Variants in C12orf54 observed in about 807,000 individuals in gnomAD.
C12orf54 encodes the protein chromosome 12 open reading frame 54.
C12orf54 carries 24 observed loss-of-function variants against 26.4 expected under a neutral mutation model. That is an observed-to-expected ratio of 0.91 (90% CI 0.66 to 1.28). The LOEUF (loss-of-function observed/expected upper bound fraction) is 1.28, where lower values mean the gene tolerates loss of function less well. Ranked by LOEUF, C12orf54 falls within the 50% of genes most tolerant of loss-of-function variation. The pLI, the probability that C12orf54 is intolerant of heterozygous loss-of-function variation, is 0.00. For synonymous variants in C12orf54, 54 were observed against 47.0 expected, an observed-to-expected ratio of 1.15 and a Z score of -0.61; for missense variants, 154 against 150.9, an observed-to-expected ratio of 1.02 and a Z score of -0.11.
Position 48,496,190 on chromosome 12 carries a change from A to G in C12orf54, c.*50A>G, listed in dbSNP as rs187883041. On this transcript the variant is annotated 3_prime_UTR_variant, in exon 9 of 9. Coordinates refer to ENST00000548364, the MANE Select transcript of C12orf54 (RefSeq NM_152319.4). The stretch of plus-strand genomic sequence containing the variant: ...ACTATGTCATCTACAGCACAGCTTC[A>G]GTTGGGGAAGATATTAGCAGACATC... 1 of 152,508 alleles carries G rather than the reference A, an allele frequency of 6.6e-6. No individual in the cohort carries two copies. The highest frequency in any genetic ancestry group is 1.5e-5 in the Non-Finnish European group (1 of 68,036). The allele number at this position is 152,508 out of a possible 1,614,324, so 9.4% of individuals were successfully genotyped here.
At chr12:48,453,083 T>A in the C12orf54 span, among the ~76,000 whole-genome samples, 1 of 152,142 alleles carries the variant, frequency 6.6e-6, no homozygotes, top group Non-Finnish European at 1.5e-5. Context: ...AGACATGGAA[T>A]CAAGCTAAAT....
chr12:48,421,099 A>G, the C12orf54 span, among the ~76,000 whole-genome samples: 1 of 152,112 alleles, frequency 6.6e-6, no homozygotes, highest in African/African-American at 2.4e-5. Context: ...TGTATGTCAT[A>G]TTAGTCCATT....
intron 2 of C12orf54, among the ~76,000 whole-genome samples, chr12:48,485,711 T>G (rs1954252909): frequency 6.6e-6 from 1 of 152,196 alleles, no homozygotes; most frequent in South Asian, 2.1e-4. Context: ...TTTCCACTTC[T>G]TCAGCCTTCC....
At chr12:48,455,831 A>G in the C12orf54 span, among the ~76,000 whole-genome samples, 1 of 152,198 alleles carries the variant, frequency 6.6e-6, no homozygotes, top group African/African-American at 2.4e-5. Flanking sequence ...TGTCTGTTTG[A>G]CAGTGAATAA....
chr12:48,436,383 T>C, the C12orf54 span, among the ~76,000 whole-genome samples: 1 of 152,136 alleles, frequency 6.6e-6, no homozygotes, highest in South Asian at 2.1e-4. Flanking sequence ...ATCCAGGTAT[T>C]GAACTCTGCT....
chr12:48,434,162 T>C, the C12orf54 span, among the ~76,000 whole-genome samples: 2 of 152,134 alleles, frequency 1.3e-5, no homozygotes, highest in Non-Finnish European at 2.9e-5. Flanking sequence ...GCCTCGCTCA[T>C]TGCGAGCACA....
the C12orf54 span, among the ~76,000 whole-genome samples, chr12:48,439,743 G>A: frequency 2.6e-5 from 4 of 152,214 alleles, no homozygotes; most frequent in East Asian, 7.7e-4. Flanking sequence ...ACCGGGGCCT[G>A]TTGTGGGGTG....
At chr12:48,440,314 G>T in the C12orf54 span, among the ~76,000 whole-genome samples, 1 of 152,080 alleles carries the variant, frequency 6.6e-6, no homozygotes, top group East Asian at 1.9e-4. Context: ...AGGAGTTCAA[G>T]GTGAAGGGAA....
chr12:48,471,629 T>C, the C12orf54 span, among the ~76,000 whole-genome samples: 17 of 152,288 alleles, frequency 1.1e-4, no homozygotes, highest in South Asian at 3.5e-3. Flanking sequence ...TTTTTCTTGG[T>C]CTTGTCAAAG....
At position 48,496,437 on chromosome 12, in the gene C12orf54, C is replaced by T. The variant is rs894194256; in HGVS notation, c.*297C>T. The stretch of plus-strand genomic sequence containing the variant: ...TGTGGAATGGGTAGTGATAGAATTT[C>T]CAAGTATGATAGTGCATTTGGTTCA... On this transcript the variant is annotated 3_prime_UTR_variant, in exon 9 of 9. Coordinates refer to ENST00000548364, the MANE Select transcript of C12orf54 (RefSeq NM_152319.4). The T allele has an allele frequency of 1.3e-5, 2 of 152,638 alleles. No individual in the cohort carries two copies. The highest frequency in any genetic ancestry group is 4.8e-5 in the African/African-American group (2 of 41,448). The allele number at this position is 152,638 out of a possible 1,614,324, so 9.5% of individuals were successfully genotyped here. A position where few individuals can be genotyped will look rare whatever the true frequency, so the allele number is the denominator to read the frequency against.
At chr12:48,416,756 G>A in the C12orf54 span, among the ~76,000 whole-genome samples, 1 of 152,058 alleles carries the variant, frequency 6.6e-6, no homozygotes, top group Admixed American at 6.5e-5. Context: ...CAGCTACTCG[G>A]GAGGCTGAGG....
the C12orf54 span, among the ~76,000 whole-genome samples, chr12:48,428,077 G>A: frequency 6.6e-6 from 1 of 152,052 alleles, no homozygotes; most frequent in Admixed American, 6.6e-5. Flanking sequence ...TGATCATTGG[G>A]TCAAAAATGA....
the C12orf54 span, among the ~76,000 whole-genome samples, chr12:48,448,821 A>G: frequency 6.6e-5 from 10 of 152,338 alleles, no homozygotes; most frequent in Admixed American, 6.5e-4. Context: ...AATATAAGTG[A>G]CCATGGCCCA....
chr12:48,481,765 A>G (rs955435883), upstream of C12orf54, among the ~76,000 whole-genome samples: 1 of 152,108 alleles, frequency 6.6e-6, no homozygotes, highest in African/African-American at 2.4e-5. Context: ...GAAAGGTACT[A>G]TCTCAGGTCC....
At chr12:48,445,007 C>T in the C12orf54 span, among the ~76,000 whole-genome samples, 1 of 152,190 alleles carries the variant, frequency 6.6e-6, no homozygotes, top group Admixed American at 6.5e-5. Context: ...CCTGGCTCTA[C>T]TAAAAATACA....
chr12:48,473,286 G>T, the C12orf54 span: 2 of 1,094,560 alleles, frequency 1.8e-6, no homozygotes, highest in Non-Finnish European at 2.7e-6. Flanking sequence ...TGGAGACGAG[G>T]AGGAGAAGGA....
chr12:48,444,288 A>C, the C12orf54 span, among the ~76,000 whole-genome samples: 4 of 152,202 alleles, frequency 2.6e-5, no homozygotes, highest in African/African-American at 7.2e-5. Flanking sequence ...AGAACATCAC[A>C]TCATTGGCAG....
the C12orf54 span, among the ~76,000 whole-genome samples, chr12:48,440,379 ATAAC>A: frequency 8.5e-5 from 13 of 152,244 alleles, no homozygotes; most frequent in African/African-American, 3.1e-4. Flanking sequence ...ATTAGAAAGA[ATAAC>A]TAATTTTGGA....
Position 48,491,478 on chromosome 12 carries a change from G to A in C12orf54, c.193+642G>A, listed in dbSNP as rs184574726. Among the ~76,000 whole-genome samples, 129 of 152,316 alleles carry A rather than the reference G, an allele frequency of 8.5e-4. 1 individual carries two copies. The highest frequency in any genetic ancestry group is 7.9e-4 in the Non-Finnish European group (54 of 68,030). Reference sequence around the variant, plus strand: ...GACATAGGCATTCAGTCTACAGCACGTGGACAGGGATGGAAGACTCTTTTT... The same window carrying A: ...GACATAGGCATTCAGTCTACAGCACATGGACAGGGATGGAAGACTCTTTTT... On this transcript the variant is annotated intron_variant, in intron 6 of 8. Coordinates refer to ENST00000548364, the MANE Select transcript of C12orf54 (RefSeq NM_152319.4).
Sources: gnomAD v4.1 joint callset for allele counts (sites outside exome capture counted in the v4.1 genomes callset) on GRCh38, gnomAD v4.1.1 for gene constraint, MANE v1.5 for transcripts, NCBI Gene and HGNC (gene_info 2026-07-23, HGNC 2026-07-21) for gene names.